ZCCHC2: variants seen among roughly 807,000 people sequenced by gnomAD.
ZCCHC2 encodes zinc finger CCHC-type containing 2.
ZCCHC2 carries 39 observed loss-of-function variants against 103.6 expected under a neutral mutation model. That is an observed-to-expected ratio of 0.38 (90% CI 0.29 to 0.49). The LOEUF is 0.49. ZCCHC2 is among the 20% of genes least tolerant of loss of function. The pLI, the probability that ZCCHC2 is intolerant of heterozygous loss-of-function variation, is 0.96. For missense variants in ZCCHC2, 1,483 were observed against 1,491.0 expected (o/e 0.99, Z 0.09); for synonymous variants, 687 against 608.9 (o/e 1.13, Z -1.89).
At chr18:62,566,219 T>G (rs1238573327) in intron 11 of ZCCHC2, among the ~76,000 whole-genome samples, 1 of 152,206 alleles carries the variant, frequency 6.6e-6, no homozygotes, top group East Asian at 1.9e-4. Context: ...CACTCCAGCC[T>G]GGGCAACAAG....
At chr18:62,532,918 T>G (rs1914752214) in intron 1 of ZCCHC2, among the ~76,000 whole-genome samples, 1 of 151,992 alleles carries the variant, frequency 6.6e-6, no homozygotes, top group South Asian at 2.1e-4. Context: ...ATGTCTGTAG[T>G]CCCAGCTACT....
At chr18:62,562,116 C>T (rs1271586167) in intron 8 of ZCCHC2, among the ~76,000 whole-genome samples, 1 of 152,126 alleles carries the variant, frequency 6.6e-6, no homozygotes, top group Non-Finnish European at 1.5e-5. Context: ...CCTGCCTCAG[C>T]CTCCCAAGTA....
At chr18:62,528,514 G>C (rs1914536029) in intron 1 of ZCCHC2, among the ~76,000 whole-genome samples, 1 of 151,372 alleles carries the variant, frequency 6.6e-6, no homozygotes, top group Non-Finnish European at 1.5e-5. Context: ...CAGGAGAATC[G>C]CTTGAACCTG....
At chr18:62,539,304 C>G (rs915996733) in intron 1 of ZCCHC2, among the ~76,000 whole-genome samples, 3 of 152,102 alleles carry the variant, frequency 2.0e-5, no homozygotes, top group African/African-American at 7.2e-5. Flanking sequence ...TTATTAAAAC[C>G]AAACAATGAA....
intron 3 of ZCCHC2, 83 bp from the exon 4 acceptor site, chr18:62,544,719 C>T: frequency 9.3e-7 from 1 of 1,076,022 alleles, no homozygotes; most frequent in Non-Finnish European, 1.3e-6. Context: ...TAAGTAAGGC[C>T]CTTTGTTTTT....
chr18:62,535,994 G>A (rs17668044), intron 1 of ZCCHC2, among the ~76,000 whole-genome samples: 28,815 of 152,102 alleles, frequency 0.19, 3,440 homozygotes, highest in Non-Finnish European at 0.27. Context: ...CTATATCGAG[G>A]GACTACAAGA....
chr18:62,557,727 G>A (rs1941202852), intron 6 of ZCCHC2, among the ~76,000 whole-genome samples: 1 of 152,188 alleles, frequency 6.6e-6, no homozygotes, highest in African/African-American at 2.4e-5. Context: ...ATTGAATTGA[G>A]CACAAAGTTA....
chr18:62,523,982 G>T lies in ZCCHC2; in HGVS notation c.558G>T (p.Glu186Asp), dbSNP rs754749304. Residue 186 changes from glutamate to aspartate, a missense_variant, in exon 1 of 14, where the codon GAG (glutamate) becomes GAT (aspartate). By Grantham distance (45) the Glu-to-Asp change is conservative. Around this residue, in one of 3 missense-constraint regions of ZCCHC2, gnomAD observed 568 missense variants for 525.1 expected, o/e 1.08. Transcript: ENST00000269499. ...CGCTGCTGGGCTCGGAGAACCGGGA[G>T]GCCGCTGGCCGTCTGCACCGCCTGC... The part of the protein sequence containing the change: ...YLALLGSENR[E>D]AAGRLHRLLP... 22 of 1,492,040 alleles carry T rather than the reference G, an allele frequency of 1.5e-5. No individual in the cohort carries two copies. In the South Asian group the frequency reaches 2.7e-4, roughly 18 times the overall value. The allele number at this position is 1,492,040 out of a possible 1,614,324, so 92.4% of individuals were successfully genotyped here. A position where few individuals can be genotyped will look rare whatever the true frequency, so the allele number is the denominator to read the frequency against.
At chr18:62,582,055 T>C (rs1273301598), downstream of ZCCHC2, among the ~76,000 whole-genome samples, 2 of 152,034 alleles carry the variant, frequency 1.3e-5, no homozygotes, top group Admixed American at 1.3e-4. Context: ...AAAGGGAAAA[T>C]TATAAAAGAG....
chr18:62,532,959 C>T (rs1295265148), intron 1 of ZCCHC2, among the ~76,000 whole-genome samples: 1 of 152,052 alleles, frequency 6.6e-6, no homozygotes, highest in Non-Finnish European at 1.5e-5. Context: ...ATCACTTGAG[C>T]CCAGGAGGAT....
intron 1 of ZCCHC2, among the ~76,000 whole-genome samples, chr18:62,539,245 A>G (rs1035857941): frequency 2.6e-5 from 4 of 152,188 alleles, no homozygotes; most frequent in African/African-American, 4.8e-5. Flanking sequence ...GCATGTATTG[A>G]TGATACCTTT....
At chr18:62,571,387 G>C (rs1916595413) in intron 12 of ZCCHC2, among the ~76,000 whole-genome samples, 1 of 152,198 alleles carries the variant, frequency 6.6e-6, no homozygotes, top group Non-Finnish European at 1.5e-5. Flanking sequence ...AGGGGGAGTG[G>C]AAGTAGGACA....
exon 15 of ZCCHC2, chr18:62,585,134 A>G (rs1173572033): frequency 6.6e-6 from 1 of 152,268 alleles, no homozygotes; most frequent in African/African-American, 2.4e-5. Context: ...GTTTCCAGAG[A>G]AATATCCAGG....
In ZCCHC2 at chr18:62,577,284, T is replaced by C. The variant is rs1007806004; in HGVS notation, c.*705T>C. On this transcript the variant is annotated 3_prime_UTR_variant, in exon 14 of 14. Coordinates refer to ENST00000269499, the MANE Select transcript of ZCCHC2 (RefSeq NM_017742.6). ...GTCAAACCATATGAAACTGAAAAAA[T>C]ATGACGTACGAAATGGACAAAAAGC... is the stretch of plus-strand genomic sequence containing the variant. 6.6e-6 allele frequency: 1 copy of C among 152,362 alleles called. No individual in the cohort carries two copies. The highest frequency in any genetic ancestry group is 1.5e-5 in the Non-Finnish European group (1 of 68,020). The allele number at this position is 152,362 out of a possible 1,614,324, so 9.4% of individuals were successfully genotyped here.
intron 7 of ZCCHC2, among the ~76,000 whole-genome samples, chr18:62,559,876 G>C (rs983648705): frequency 6.6e-6 from 1 of 152,146 alleles, no homozygotes; most frequent in African/African-American, 2.4e-5. Flanking sequence ...TCTTTTTCTT[G>C]TCATTCTCTA....
At chr18:62,564,938 C>A in intron 10 of ZCCHC2, 64 bp from the exon 11 acceptor site, 2 of 1,179,424 alleles carry the variant, frequency 1.7e-6, no homozygotes, top group Non-Finnish European at 2.5e-6. Flanking sequence ...TTTATCAATA[C>A]TGTACTGAAT....
chr18:62,528,842 C>T (rs911423595), intron 1 of ZCCHC2, among the ~76,000 whole-genome samples: 9 of 151,942 alleles, frequency 5.9e-5, no homozygotes, highest in South Asian at 4.2e-4. Context: ...GTCAGAATTT[C>T]AGTTATTATA....
chr18:62,543,364 A>C (rs1915282448), intron 3 of ZCCHC2, among the ~76,000 whole-genome samples: 1 of 152,116 alleles, frequency 6.6e-6, no homozygotes, highest in Non-Finnish European at 1.5e-5. Flanking sequence ...ATTCTCATGG[A>C]GAGCAGGAAT....
downstream of ZCCHC2, among the ~76,000 whole-genome samples, chr18:62,580,625 ACCCCTCCCG>A (rs1218220320): frequency 1.3e-3 from 7 of 5,322 alleles, no homozygotes; most frequent in East Asian, 0.011. Context: ...GGCCAGGTGG[ACCCCTCCCG>A]AGACGGTGTC....
Sources: allele counts gnomAD v4.1 joint callset (sites outside exome capture counted in the v4.1 genomes callset), GRCh38; gene constraint gnomAD v4.1.1; regional missense constraint gnomAD v4.1.1; transcripts MANE v1.5; gene names NCBI Gene and HGNC (gene_info 2026-07-23, HGNC 2026-07-21).